CORO2A: variants seen among roughly 807,000 people sequenced by gnomAD.
CORO2A encodes the protein coronin 2A.
In CORO2A, 47 loss-of-function variants were observed where a neutral mutation model predicts 62.4. That is an observed-to-expected ratio of 0.75 (90% CI 0.60 to 0.96). The LOEUF (loss-of-function observed/expected upper bound fraction) is 0.96, where lower values mean the gene tolerates loss of function less well. CORO2A is among the 40% of genes least tolerant of loss of function. CORO2A has a pLI of 0.00. For missense variants in CORO2A, 610 were observed against 684.1 expected (o/e 0.89, Z 1.21); for synonymous variants, 273 against 268.9 (o/e 1.02, Z -0.15).
rs781087223 is a variant in CORO2A, at chr9:98,126,568, G to A, written c.1427C>T (p.Pro476Leu). 2.5e-6 allele frequency: 4 copies of A among 1,613,710 alleles called. No individual in the cohort carries two copies. In the African/African-American group the frequency reaches 5.3e-5, roughly 22 times the overall value. ...TNGFDVFECP[P>L]PKTENELLQM... ...TCACACCTCATTCTCTGTCTTTGGT[G>A]GGGGGCATTCGAAAACGTCAAAGCC... is the stretch of plus-strand genomic sequence containing the variant. Residue 476 changes from proline (P) to leucine (L), a missense_variant, in exon 11 of 12, where the codon CCA (proline) becomes CTA (leucine). Pro to Leu is a moderately conservative substitution (Grantham distance 98). Coordinates refer to ENST00000375077, the MANE Select transcript of CORO2A (RefSeq NM_052820.4).
intron 1 of CORO2A, among the ~76,000 whole-genome samples, chr9:98,187,445 C>A (rs1410722443): frequency 7.2e-5 from 9 of 125,612 alleles, no homozygotes; most frequent in African/African-American, 2.8e-4. Context: ...GGCGGCTGGG[C>A]GAAACTCCAT....
intron 1 of CORO2A, among the ~76,000 whole-genome samples, chr9:98,168,867 G>GAC (rs964657743): frequency 7.0e-4 from 106 of 151,436 alleles, no homozygotes; most frequent in African/African-American, 1.9e-3. Context: ...TGGGGAAACA[G>GAC]ACACACACAT....
intron 1 of CORO2A, among the ~76,000 whole-genome samples, chr9:98,161,073 A>C (rs892535775): frequency 6.6e-6 from 1 of 152,196 alleles, no homozygotes; most frequent in Non-Finnish European, 1.5e-5. Flanking sequence ...AGAGTGAACC[A>C]TGAGATAAGG....
chr9:98,144,923 T>C (rs569643912), intron 2 of CORO2A, among the ~76,000 whole-genome samples: 8 of 152,174 alleles, frequency 5.3e-5, no homozygotes, highest in African/African-American at 1.7e-4. Context: ...GTGAGCCATG[T>C]CCTGACTGGA....
intron 2 of CORO2A, 35 bp from the exon 3 acceptor site, chr9:98,137,723 G>A: frequency 6.7e-6 from 10 of 1,502,608 alleles, no homozygotes; most frequent in Non-Finnish European, 9.3e-6. Flanking sequence ...TGGGGAGGAG[G>A]TGGATTCCAC....
In CORO2A at chr9:98,128,226, G is replaced by A. The variant is rs1221133469; in HGVS notation, c.1115C>T (p.Thr372Ile). 7 of 1,613,116 alleles carry A rather than the reference G, an allele frequency of 4.3e-6. No homozygotes were observed. The highest frequency in any genetic ancestry group is 5.9e-6 in the Non-Finnish European group (7 of 1,179,516). The change falls in exon 10 of 12, where the codon ACA becomes ATA. Residue 372 changes from threonine to isoleucine, a missense_variant. Transcript: ENST00000375077. ...CGTCAGGGAGGGCTGGGCCCCTGCT[G>A]TTGGAGGGTATATGTCCTCTTGGTA... ...ESYQEDIYPPTAGAQPSLTAQ... is the reference protein window; with the variant it reads ...ESYQEDIYPPIAGAQPSLTAQ...
intron 2 of CORO2A, among the ~76,000 whole-genome samples, chr9:98,138,103 C>T (rs146068753): frequency 1.3e-5 from 2 of 152,344 alleles, no homozygotes; most frequent in East Asian, 1.9e-4. Context: ...AATTCCACTC[C>T]TAGGTCTATC....
chr9:98,135,076 C>T, intron 3 of CORO2A, 121 bp from the exon 4 acceptor site: 2 of 1,305,708 alleles, frequency 1.5e-6, no homozygotes, highest in Admixed American at 4.9e-5. Context: ...TCCATAGCCA[C>T]CTCCCACTCA....
At position 98,173,185 on chromosome 9, in the gene CORO2A, A is replaced by G. The variant is rs2231655; in HGVS notation, c.1-15525T>C. ...AACTCCGATTGTTGGGCCCCACCCTAGAGTTTCTGATTCGGCAGCGTGGGT... is the reference window on the plus strand; with the variant it reads ...AACTCCGATTGTTGGGCCCCACCCTGGAGTTTCTGATTCGGCAGCGTGGGT... On this transcript the variant is annotated intron_variant, in intron 1 of 11. Transcript: ENST00000375077. 4.5e-3 allele frequency among the ~76,000 whole-genome samples: 687 copies of G among 152,350 alleles called. 2 individuals are homozygous for G. Among genetic ancestry groups the G allele is most frequent in the Middle Eastern group, 0.01 (3 of 294 alleles).
chr9:98,151,001 G>T (rs1226681807), intron 2 of CORO2A, among the ~76,000 whole-genome samples: 5 of 152,118 alleles, frequency 3.3e-5, no homozygotes, highest in African/African-American at 1.2e-4. Context: ...TATTTGTTCT[G>T]GCCAGACAGC....
chr9:98,134,716 C>A, intron 4 of CORO2A, 90 bp downstream of exon 4: 1 of 1,424,230 alleles, frequency 7.0e-7, no homozygotes, highest in South Asian at 1.4e-5. Flanking sequence ...GATTTCTGGT[C>A]TCCAGAACTG....
Position 98,172,131 on chromosome 9 carries a change from G to A in CORO2A, c.1-14471C>T, listed in dbSNP as rs1036814180. Among the ~76,000 whole-genome samples the A allele has an allele frequency of 2.0e-5, 3 of 151,992 alleles. No individual in the cohort carries two copies. In the East Asian group the frequency reaches 5.8e-4, roughly 29 times the overall value. ...GAGGAAAAGGGTGTGACTGCCCTGG[G>A]ACAAGAGTCCCCAGATATGACTGAA... is the stretch of plus-strand genomic sequence containing the variant. On this transcript the variant is annotated intron_variant, in intron 1 of 11. Coordinates refer to ENST00000375077, the MANE Select transcript of CORO2A (RefSeq NM_052820.4).
intron 1 of CORO2A, among the ~76,000 whole-genome samples, chr9:98,177,911 A>G (rs949441558): frequency 6.6e-6 from 1 of 152,168 alleles, no homozygotes; most frequent in Non-Finnish European, 1.5e-5. Context: ...ACAAACAAAC[A>G]AACTTGAGCT....
intron 1 of CORO2A, 77 bp downstream of exon 1, chr9:98,192,482 C>CGGGGGGGA (rs1419622726): frequency 4.5e-3 from 1 of 224 alleles, no homozygotes; most frequent in African/African-American, 0.029. Flanking sequence ...GAGCTGCAGC[C>CGGGGGGGA]GCAGCGCGCA....
At chr9:98,155,898 C>A (rs1827796793) in intron 2 of CORO2A, among the ~76,000 whole-genome samples, 1 of 152,134 alleles carries the variant, frequency 6.6e-6, no homozygotes, top group Non-Finnish European at 1.5e-5. Context: ...CCAGTCTCTG[C>A]AGGGGCTTGT....
intron 1 of CORO2A, among the ~76,000 whole-genome samples, chr9:98,178,454 G>A (rs778631106): frequency 1.3e-5 from 2 of 152,214 alleles, no homozygotes; most frequent in South Asian, 2.1e-4. Context: ...TTCTGTAAGC[G>A]CTAGTTAGCT....
At chr9:98,146,898 C>A (rs1370666995) in intron 2 of CORO2A, among the ~76,000 whole-genome samples, 1 of 152,082 alleles carries the variant, frequency 6.6e-6, no homozygotes, top group African/African-American at 2.4e-5. Flanking sequence ...TAATAAAGAG[C>A]CTCTAAGGCC....
chr9:98,132,293 G>GC lies in CORO2A; in HGVS notation c.656dup (p.Ser219ArgfsTer39), dbSNP rs773538432. ...CTTTGCTGGCCCGGTGCCCTTTGTA[G>GC]CTGGCCTCCTGGAGGGACACGTGCG... is the stretch of plus-strand genomic sequence containing the variant. On this transcript the variant is annotated frameshift_variant, in exon 6 of 12. Coordinates refer to ENST00000375077, the MANE Select transcript of CORO2A (RefSeq NM_052820.4). LOFTEE classifies it high-confidence loss of function. The GC allele has an allele frequency of 2.0e-5, 32 of 1,613,734 alleles. No homozygotes were observed. The highest frequency in any genetic ancestry group is 2.6e-5 in the Non-Finnish European group (31 of 1,179,860).
At position 98,163,224 on chromosome 9, in the gene CORO2A, G is replaced by A. The variant is rs527596691; in HGVS notation, c.1-5564C>T. Among the ~76,000 whole-genome samples, 5 of 152,336 alleles carry A rather than the reference G, an allele frequency of 3.3e-5. No homozygotes were observed. The South Asian group carries it at 6.2e-4, about 19-fold the overall frequency. On this transcript the variant is annotated intron_variant, in intron 1 of 11. Coordinates refer to ENST00000375077, the MANE Select transcript of CORO2A (RefSeq NM_052820.4). The stretch of plus-strand genomic sequence containing the variant: ...TTTCTTTGAGACGGAGTCTCGCTCT[G>A]TTGCCCAGGCTGGAGTGTGCAGTGG...
Sources: allele counts gnomAD v4.1 joint callset (sites outside exome capture counted in the v4.1 genomes callset), GRCh38; gene constraint gnomAD v4.1.1; transcripts MANE v1.5; gene names NCBI Gene and HGNC (gene_info 2026-07-23, HGNC 2026-07-21).